Variants in PHF24 observed in about 807,000 individuals in gnomAD.
PHF24 encodes Galpha inhibitory interacting protein.
PHF24 carries 25 observed loss-of-function variants against 42.6 expected under a neutral mutation model. The observed-to-expected ratio is 0.59, with a 90% CI of 0.43 to 0.82. PHF24 has a LOEUF of 0.82. Among genes scored for constraint, PHF24 ranks in the 40% least tolerant of loss-of-function variants. The probability of loss-of-function intolerance (pLI) is 0.00; values close to 1 mark genes in which losing one functional copy is unlikely to be tolerated. For synonymous variants in PHF24, 185 were observed against 204.8 expected, an observed-to-expected ratio of 0.90 and a Z score of 0.83; for missense variants, 470 against 538.1, an observed-to-expected ratio of 0.87 and a Z score of 1.25.
chr9:34,941,375 G>A, the PHF24 span, among the ~76,000 whole-genome samples: 1 of 152,204 alleles, frequency 6.6e-6, no homozygotes, highest in Non-Finnish European at 1.5e-5. Context: ...TCACTGGGAA[G>A]TGGGTCTCAT....
chr9:34,787,737 G>C, the PHF24 span, among the ~76,000 whole-genome samples: 1 of 152,230 alleles, frequency 6.6e-6, no homozygotes, highest in South Asian at 2.1e-4. Context: ...TAGGGGTTGA[G>C]AAGCATTTGC....
At chr9:34,689,428 CCTATTCCTGTCCACCTGG>C in the PHF24 span, 1 of 212,782 alleles carries the variant, frequency 4.7e-6, no homozygotes. The surrounding 1 kb of genome is among the most constrained non-coding windows in gnomAD (Gnocchi z 4.1). Context: ...CCTCCCCCTT[CCTATTCCTGTCCACCTGG>C]CTAGACAGCA....
chr9:34,883,291 G>A, the PHF24 span, among the ~76,000 whole-genome samples: 395 of 152,270 alleles, frequency 2.6e-3, no homozygotes, highest in Admixed American at 5.9e-3. Context: ...TACCATTCAG[G>A]ACATAGGCAT....
chr9:34,750,480 A>G, the PHF24 span, among the ~76,000 whole-genome samples: 1 of 145,662 alleles, frequency 6.9e-6, no homozygotes, highest in African/African-American at 2.6e-5. Context: ...ACAGAGCGAG[A>G]CTCTATCTCA....
At chr9:34,888,097 G>A in the PHF24 span, among the ~76,000 whole-genome samples, 1 of 152,012 alleles carries the variant, frequency 6.6e-6, no homozygotes, top group African/African-American at 2.4e-5. Flanking sequence ...TGTACTCTCA[G>A]CCTGGGAAAG....
At chr9:34,706,554 A>G in the PHF24 span, among the ~76,000 whole-genome samples, 2 of 152,320 alleles carry the variant, frequency 1.3e-5, no homozygotes, top group Non-Finnish European at 2.9e-5. Context: ...AAAGAGAAAG[A>G]ACAGGACAAT....
At chr9:34,786,837 G>A in the PHF24 span, among the ~76,000 whole-genome samples, 1 of 152,116 alleles carries the variant, frequency 6.6e-6, no homozygotes, top group Non-Finnish European at 1.5e-5. Flanking sequence ...CGGTTGACTC[G>A]TTTTTTGGTA....
At chr9:34,764,706 T>C in the PHF24 span, among the ~76,000 whole-genome samples, 8 of 152,200 alleles carry the variant, frequency 5.3e-5, no homozygotes, top group Non-Finnish European at 1.0e-4. Flanking sequence ...CCTTCAGTTC[T>C]GCTCTGATTT....
At chr9:34,733,594 G>C in the PHF24 span, among the ~76,000 whole-genome samples, 1 of 150,110 alleles carries the variant, frequency 6.7e-6, no homozygotes, top group South Asian at 2.1e-4. Context: ...TTGATCTCTT[G>C]GGCTCAAGCG....
intron 4 of PHF24, 50 bp from the exon 5 acceptor site, chr9:34,976,485 C>G (rs767596697): frequency 6.4e-7 from 1 of 1,574,474 alleles, no homozygotes; most frequent in African/African-American, 1.3e-5. Context: ...ATGGAGGTGC[C>G]CTGAGGCTGA....
chr9:34,702,953 G>A, the PHF24 span, among the ~76,000 whole-genome samples: 1 of 152,190 alleles, frequency 6.6e-6, no homozygotes, highest in Non-Finnish European at 1.5e-5. Context: ...TTTGTCCCCA[G>A]ATACAAGGAG....
the PHF24 span, among the ~76,000 whole-genome samples, chr9:34,869,002 G>GTGTT: frequency 1.6e-4 from 24 of 152,324 alleles, no homozygotes; most frequent in African/African-American, 5.8e-4. Flanking sequence ...AGAACATGCA[G>GTGTT]TGTTTGGTTT....
chr9:34,889,981 T>C, the PHF24 span, among the ~76,000 whole-genome samples: 394 of 152,236 alleles, frequency 2.6e-3, no homozygotes, highest in African/African-American at 8.7e-3. Flanking sequence ...CCCCAAGTAA[T>C]CCTGGAGGAT....
the PHF24 span, among the ~76,000 whole-genome samples, chr9:34,689,238 C>T: frequency 2.6e-5 from 4 of 152,136 alleles, no homozygotes; most frequent in Non-Finnish European, 5.9e-5. The surrounding 1 kb of genome is among the most constrained non-coding windows in gnomAD (Gnocchi z 4.1). Flanking sequence ...TGAACACCTG[C>T]CTTGGAGAGC....
At chr9:34,707,817 C>T in the PHF24 span, among the ~76,000 whole-genome samples, 20,612 of 152,046 alleles carry the variant, frequency 0.14, 1,468 homozygotes, top group Middle Eastern at 0.27. Context: ...CTGCAACCTC[C>T]GCCTCCTGGG....
At chr9:34,724,797 G>T in the PHF24 span, 1 of 1,551,412 alleles carries the variant, frequency 6.4e-7, no homozygotes, top group Non-Finnish European at 8.7e-7. Flanking sequence ...ACGGGACTAG[G>T]CTCCATCTCT....
the PHF24 span, among the ~76,000 whole-genome samples, chr9:34,717,977 T>C: frequency 6.6e-6 from 1 of 152,218 alleles, no homozygotes; most frequent in Non-Finnish European, 1.5e-5. Flanking sequence ...GGGATGTCTG[T>C]GTCCATGTGT....
the PHF24 span, among the ~76,000 whole-genome samples, chr9:34,756,447 A>G: frequency 2.0e-5 from 3 of 151,900 alleles, no homozygotes; most frequent in Non-Finnish European, 4.4e-5. Context: ...TGGATATTCT[A>G]TTTTGCCACT....
At chr9:34,899,917 G>A in the PHF24 span, among the ~76,000 whole-genome samples, 1 of 152,170 alleles carries the variant, frequency 6.6e-6, no homozygotes, top group Admixed American at 6.5e-5. Flanking sequence ...CTAATGAATC[G>A]GAATCTCTAG....
Sources: gnomAD v4.1 joint callset for allele counts (sites outside exome capture counted in the v4.1 genomes callset) on GRCh38, gnomAD v4.1.1 for gene constraint, Gnocchi (gnomAD v3.1) non-coding constraint, MANE v1.5 for transcripts, NCBI Gene and HGNC (gene_info 2026-07-23, HGNC 2026-07-21) for gene names.